Variants in DNAH17 observed in about 807,000 individuals in gnomAD.
DNAH17 encodes the protein axonemal beta dynein heavy chain 17.
In DNAH17, 376 loss-of-function variants were observed where a neutral mutation model predicts 485.6. The ratio of observed to expected loss-of-function variants is 0.77; its 90% CI spans 0.71 to 0.84. The LOEUF is 0.84. Among genes scored for constraint, DNAH17 ranks in the 40% least tolerant of loss-of-function variants. DNAH17 has a pLI of 0.00. For missense variants in DNAH17, 6,370 were observed against 5,839.3 expected (o/e 1.09, Z -2.96); for synonymous variants, 3,031 against 2,405.9 (o/e 1.26, Z -7.60).
chr17:78,543,792 G>A (rs780620175), intron 17 of DNAH17, 65 bp downstream of exon 17: 32 of 1,608,136 alleles, frequency 2.0e-5, no homozygotes, highest in Non-Finnish European at 2.6e-5. Context: ...CCAGCCCTGG[G>A]TTTACTCTCT....
At chr17:78,547,394 AGGCTGCCTGATTTTTGTTTCTGTGTG>A (rs1169210440) in intron 16 of DNAH17, among the ~76,000 whole-genome samples, 1 of 152,212 alleles carries the variant, frequency 6.6e-6, no homozygotes, top group Non-Finnish European at 1.5e-5. Flanking sequence ...TAAAGTCAAA[AGGCTGCCTGATTTTTGTTTCTGTGTG>A]GGCTACCTGC....
intron 71 of DNAH17, among the ~76,000 whole-genome samples, chr17:78,443,931 C>G (rs759130052): frequency 3.3e-5 from 5 of 152,188 alleles, no homozygotes; most frequent in Non-Finnish European, 7.3e-5. Context: ...AGAAGCCAGA[C>G]AGGCCACAGG....
At chr17:78,558,570 C>G (rs2092081921) in intron 13 of DNAH17, among the ~76,000 whole-genome samples, 1 of 146,134 alleles carries the variant, frequency 6.8e-6, no homozygotes, top group Non-Finnish European at 1.5e-5. Context: ...ACATCATTGT[C>G]ATCACCACGG....
chr17:78,437,836 T>C lies in DNAH17; in HGVS notation c.11838A>G (p.Thr3946=). 1 of 1,611,446 alleles carries C rather than the reference T, an allele frequency of 6.2e-7. No homozygotes were observed. The highest frequency in any genetic ancestry group is 8.5e-7 in the Non-Finnish European group (1 of 1,179,094). The part of the protein sequence containing the change: ...NIHLVARWLG[T]LDKKLEHYST... ...TGTAGTGCTCCAGCTTCTTGTCCAG[T>C]GTTCCCAGCCACCGGGCCACCAGGT... Residue 3946 remains threonine, a synonymous_variant, in exon 74 of 81, where the codon ACA becomes ACG. Coordinates refer to ENST00000389840, the MANE Select transcript of DNAH17 (RefSeq NM_173628.4).
chr17:78,450,160 C>A, intron 68 of DNAH17, 94 bp downstream of exon 68: 1 of 1,481,762 alleles, frequency 6.7e-7, no homozygotes, highest in Non-Finnish European at 9.3e-7. Flanking sequence ...GGCCCTGGCA[C>A]TGCCCGATGG....
chr17:78,466,963 G>A, intron 55 of DNAH17, 147 bp from the exon 56 acceptor site: 1 of 766,888 alleles, frequency 1.3e-6, no homozygotes, highest in South Asian at 2.4e-5. Context: ...CTGGTTCTGG[G>A]TTTGAAGGGC....
intron 62 of DNAH17, among the ~76,000 whole-genome samples, chr17:78,457,137 G>A (rs890041835): frequency 6.6e-5 from 10 of 152,228 alleles, no homozygotes; most frequent in African/African-American, 7.2e-5. Flanking sequence ...TTGGGAGGCC[G>A]AGGCAGGTGG....
chr17:78,468,458 C>T (rs748009268), intron 55 of DNAH17, among the ~76,000 whole-genome samples, 159 bp downstream of exon 55: 6 of 152,094 alleles, frequency 3.9e-5, no homozygotes, highest in Admixed American at 2.0e-4. Context: ...CTCCAGGCTC[C>T]GGTTCATCAG....
At chr17:78,562,691 C>T (rs1108367) in intron 11 of DNAH17, among the ~76,000 whole-genome samples, 55,977 of 152,066 alleles carry the variant, frequency 0.37, 10,852 homozygotes, top group African/African-American at 0.46. Context: ...CATTTATATA[C>T]CTGGGCTTCT....
rs192107669 is a variant in DNAH17 at position 78,540,397 on chromosome 17, G to A, written c.2533-517C>T. ...GGGTGGACGGATAGCTGGATGGATG[G>A]ATGGGGTTGGTAGATGGGTGAGTGG... On this transcript the variant is annotated intron_variant, in intron 17 of 80. Coordinates refer to ENST00000389840, the MANE Select transcript of DNAH17 (RefSeq NM_173628.4). Among the ~76,000 whole-genome samples the A allele has an allele frequency of 4.6e-3, 599 of 130,342 alleles. 10 individuals are homozygous for A. Among genetic ancestry groups the A allele is most frequent in the African/African-American group, 0.017 (572 of 33,584 alleles). The allele number at this position is 130,342 out of a possible 152,430, so 85.5% of individuals were successfully genotyped here.
At chr17:78,476,379 C>A (rs571260524) in intron 52 of DNAH17, among the ~76,000 whole-genome samples, 193 bp downstream of exon 52, 2 of 150,836 alleles carry the variant, frequency 1.3e-5, no homozygotes, top group African/African-American at 4.9e-5. Flanking sequence ...CCCACAGCCA[C>A]GTGCCGGAGT....
At chr17:78,452,065 C>T (rs570303975) in intron 65 of DNAH17, among the ~76,000 whole-genome samples, 2 of 149,042 alleles carry the variant, frequency 1.3e-5, no homozygotes, top group African/African-American at 2.5e-5. Flanking sequence ...CTGTGGGGGG[C>T]GCTTCTCTCC....
At chr17:78,494,367 C>T (rs1035746976) in intron 40 of DNAH17, among the ~76,000 whole-genome samples, 194 bp from the exon 41 acceptor site, 8 of 120,124 alleles carry the variant, frequency 6.7e-5, no homozygotes, top group Non-Finnish European at 8.5e-5. Flanking sequence ...TGCAGGGGGT[C>T]GGTTTGCCTG....
rs764815092 is a variant in DNAH17 at position 78,423,959 on chromosome 17, C to CT, written c.13335dup (p.Glu4446ArgfsTer58). ...GCCAGGATCCACTTCGCTGCCTTCT[C>CT]TTTGGTCTTCAAGTTAAAGGTCCAG... On this transcript the variant is annotated frameshift_variant, in exon 81 of 81. Coordinates refer to ENST00000389840, the MANE Select transcript of DNAH17 (RefSeq NM_173628.4). LOFTEE classifies it high-confidence loss of function. 2 of 1,613,876 alleles carry CT rather than the reference C, an allele frequency of 1.2e-6. No individual in the cohort carries two copies. Among genetic ancestry groups the CT allele is most frequent in the Non-Finnish European group, 1.7e-6 (2 of 1,179,898 alleles).
intron 62 of DNAH17, among the ~76,000 whole-genome samples, chr17:78,456,360 G>A (rs1015439801): frequency 1.3e-5 from 2 of 152,132 alleles, no homozygotes; most frequent in East Asian, 1.9e-4. Context: ...CCTTAGGAAT[G>A]CTGTGTTTCC....
rs1161294557 is a variant in DNAH17, at chr17:78,569,386, G to A, written c.1186C>T (p.Leu396Phe). Residue 396 changes from leucine to phenylalanine, a missense_variant, in exon 8 of 81, where the codon CTT (leucine) becomes TTT (phenylalanine). Physicochemically the swap from Leu to Phe is conservative, Grantham distance 22. Coordinates refer to ENST00000389840, the MANE Select transcript of DNAH17 (RefSeq NM_173628.4). ...TYDFCCVNMK[L>F]FFKDKEPVPW... ...CGAGGAAGGGGTACCTTAAAGAAAAGCTTCATGTTCACGCAGCAGAAGTCG... is the reference window on the plus strand; with the variant it reads ...CGAGGAAGGGGTACCTTAAAGAAAAACTTCATGTTCACGCAGCAGAAGTCG... 1.9e-6 allele frequency: 3 copies of A among 1,612,994 alleles called. No homozygotes were observed. Among genetic ancestry groups the A allele is most frequent in the Middle Eastern group, 1.6e-4 (1 of 6,084 alleles).
chr17:78,544,115 G>A (rs943113597), intron 16 of DNAH17, 118 bp from the exon 17 acceptor site: 33 of 1,432,398 alleles, frequency 2.3e-5, no homozygotes, highest in Admixed American at 7.8e-5. Flanking sequence ...TTGGATTGGA[G>A]TCTAGTTCTC....
chr17:78,476,091 C>T (rs692687), intron 52 of DNAH17, among the ~76,000 whole-genome samples: 40,884 of 151,778 alleles, frequency 0.27, 6,353 homozygotes, highest in African/African-American at 0.45. Flanking sequence ...CAAGAACACA[C>T]GGGACACACC....
Position 78,498,274 on chromosome 17 carries a change from T to C in DNAH17, c.5745+734A>G, listed in dbSNP as rs191787387. ...GTCCACACCCCACATGCTCCTGGTC[T>C]ATCCTGTGGTGGGAGGACCTTGACA... On this transcript the variant is annotated intron_variant, in intron 37 of 80. Coordinates refer to ENST00000389840, the MANE Select transcript of DNAH17 (RefSeq NM_173628.4). Among the ~76,000 whole-genome samples, 121 of 152,356 alleles carry C rather than the reference T, an allele frequency of 7.9e-4. 1 individual carries two copies. Among genetic ancestry groups the C allele is most frequent in the African/African-American group, 2.8e-3 (117 of 41,586 alleles).
Sources: gnomAD v4.1 joint callset for allele counts (sites outside exome capture counted in the v4.1 genomes callset) on GRCh38, gnomAD v4.1.1 for gene constraint, MANE v1.5 for transcripts, NCBI Gene and HGNC (gene_info 2026-07-23, HGNC 2026-07-21) for gene names.